The following TSPAN15 variants were observed in gnomAD, a reference collection of about 807,000 sequenced individuals.
The protein encoded by TSPAN15 is tetraspanin 15, also known as tetraspanin-15.
Under a neutral mutation model 34.5 loss-of-function variants are expected in TSPAN15, and 20 were observed. The observed-to-expected ratio is 0.58, with a 90% CI of 0.41 to 0.84. The LOEUF is 0.84. Among genes scored for constraint, TSPAN15 ranks in the 40% least tolerant of loss-of-function variants. The probability of loss-of-function intolerance (pLI) is 0.00; values close to 1 mark genes in which losing one functional copy is unlikely to be tolerated. For missense variants in TSPAN15, 313 were observed against 386.1 expected, an observed-to-expected ratio of 0.81 and a Z score of 1.59; for synonymous variants, 155 against 153.9, an observed-to-expected ratio of 1.01 and a Z score of -0.05.
chr10:69,498,859 C>G (rs1346860860), intron 5 of TSPAN15, among the ~76,000 whole-genome samples: 1 of 152,136 alleles, frequency 6.6e-6, no homozygotes, highest in Non-Finnish European at 1.5e-5. Context: ...CAGGTGAGGG[C>G]AGGAGGGAGA....
chr10:69,548,246 A>G, the TSPAN15 span, among the ~76,000 whole-genome samples: 1 of 152,218 alleles, frequency 6.6e-6, no homozygotes, highest in Admixed American at 6.5e-5. Context: ...TTTCCATTGC[A>G]TTATGGTGTT....
At chr10:69,522,826 C>T in the TSPAN15 span, among the ~76,000 whole-genome samples, 5 of 147,760 alleles carry the variant, frequency 3.4e-5, 2 homozygotes, top group African/African-American at 7.4e-5. Flanking sequence ...GGTTGGGGAC[C>T]GCTGAGATAT....
chr10:69,485,095 C>A, intron 2 of TSPAN15, 46 bp from the exon 3 acceptor site: 1 of 1,573,416 alleles, frequency 6.4e-7, no homozygotes, highest in South Asian at 1.1e-5. Context: ...ACCCCACACA[C>A]GCCCACTGCT....
chr10:69,473,725 C>T (rs565700175), intron 1 of TSPAN15, among the ~76,000 whole-genome samples: 4 of 152,218 alleles, frequency 2.6e-5, no homozygotes, highest in African/African-American at 9.6e-5. Flanking sequence ...TGTGGCCAGC[C>T]GCCCAGTGCT....
chr10:69,478,485 A>G (rs1841663729), intron 1 of TSPAN15, among the ~76,000 whole-genome samples: 1 of 152,098 alleles, frequency 6.6e-6, no homozygotes, highest in South Asian at 2.1e-4. Context: ...GGGCTCTGGC[A>G]GGGGGCTCAT....
At chr10:69,513,509 T>A in the TSPAN15 span, among the ~76,000 whole-genome samples, 4 of 152,160 alleles carry the variant, frequency 2.6e-5, no homozygotes, top group Non-Finnish European at 5.9e-5. Flanking sequence ...GCCCAGTCTG[T>A]GGTGTGTCTT....
chr10:69,521,367 AG>A, the TSPAN15 span, among the ~76,000 whole-genome samples: 13 of 147,112 alleles, frequency 8.8e-5, 2 homozygotes, highest in Admixed American at 7.0e-5. Flanking sequence ...AAAATTAGCC[AG>A]GTGTGGTGGT....
intron 3 of TSPAN15, among the ~76,000 whole-genome samples, chr10:69,489,491 C>T (rs1841924360): frequency 6.6e-6 from 1 of 152,238 alleles, no homozygotes; most frequent in Non-Finnish European, 1.5e-5. Flanking sequence ...TATTTGGGAA[C>T]TGGTAAATGT....
In TSPAN15 at chr10:69,502,639, C is replaced by G. The variant is rs140342433; in HGVS notation, c.571-1799C>G. On this transcript the variant is annotated intron_variant, in intron 5 of 7. Transcript: ENST00000373290. Reference sequence around the variant, plus strand: ...TCGATTCTATGGTCAGGCAGGTAAACCCAGGCAGGCTTTACTTTTGGAAAG... The same window carrying G: ...TCGATTCTATGGTCAGGCAGGTAAAGCCAGGCAGGCTTTACTTTTGGAAAG... 2.3e-3 allele frequency among the ~76,000 whole-genome samples: 347 copies of G among 152,246 alleles called. 1 individual carries two copies. The highest frequency in any genetic ancestry group is 7.9e-3 in the African/African-American group (328 of 41,542).
chr10:69,514,774 C>T, the TSPAN15 span, among the ~76,000 whole-genome samples: 1 of 152,232 alleles, frequency 6.6e-6, no homozygotes, highest in South Asian at 2.1e-4. Flanking sequence ...TCTCAAAGAG[C>T]CAGCTGGACC....
the TSPAN15 span, among the ~76,000 whole-genome samples, chr10:69,532,244 A>G: frequency 1.2e-4 from 18 of 152,346 alleles, no homozygotes; most frequent in East Asian, 3.5e-3. Context: ...CAAAAAGAAC[A>G]TATCTGGAGG....
In TSPAN15 at chr10:69,499,898, G is replaced by A. The variant is rs544405470; in HGVS notation, c.570+1502G>A. On this transcript the variant is annotated intron_variant, in intron 5 of 7. Transcript: ENST00000373290. ...TTGAGAAATGCACAGAGTGGCTGGA[G>A]CAGAGGGAGCACAGCGGAGGATGGT... is the stretch of plus-strand genomic sequence containing the variant. 8.5e-5 allele frequency among the ~76,000 whole-genome samples: 13 copies of A among 152,302 alleles called. No homozygotes were observed. The East Asian group carries it at 1.9e-3, about 23-fold the overall frequency.
At chr10:69,463,814 A>C (rs1356962091) in intron 1 of TSPAN15, among the ~76,000 whole-genome samples, 1 of 151,978 alleles carries the variant, frequency 6.6e-6, no homozygotes, top group Non-Finnish European at 1.5e-5. Context: ...GTCTCAAAAA[A>C]AAAAAAAAAA....
In TSPAN15 at chr10:69,455,592, CTTTCTTTCTTTCTT is replaced by C. The variant is rs542921792; in HGVS notation, c.96+3904_96+3917del. 6.0e-3 allele frequency among the ~76,000 whole-genome samples: 721 copies of C among 120,822 alleles called. 10 individuals carry two copies. The highest frequency in any genetic ancestry group is 9.0e-3 in the Non-Finnish European group (507 of 56,428). 79.3% of individuals were successfully genotyped at this position (120,822 alleles called of 152,430 possible). A position where few individuals can be genotyped will look rare whatever the true frequency, so the allele number is the denominator to read the frequency against. On this transcript the variant is annotated intron_variant, in intron 1 of 7. Transcript: ENST00000373290. ...CTTTCTCTTTTCTTTCTTTCTTTCT[CTTTCTTTCTTTCTT>C]TCTCTCTCTCTCTCTCTCTCCCCCC...
intron 4 of TSPAN15, among the ~76,000 whole-genome samples, chr10:69,496,320 CAATAAT>C (rs3028371): frequency 0.13 from 16,611 of 132,318 alleles, 1,044 homozygotes; most frequent in Non-Finnish European, 0.14. Context: ...TCTGTTGGTG[CAATAAT>C]AATAATAATA....
chr10:69,512,450 C>T (rs1842424395), downstream of TSPAN15, among the ~76,000 whole-genome samples: 1 of 152,182 alleles, frequency 6.6e-6, no homozygotes, highest in African/African-American at 2.4e-5. Context: ...TGGAGGTATA[C>T]TGGATATAAA....
At chr10:69,534,720 T>G in the TSPAN15 span, among the ~76,000 whole-genome samples, 3 of 151,724 alleles carry the variant, frequency 2.0e-5, no homozygotes, top group South Asian at 4.2e-4. Context: ...TAGTGGCTCA[T>G]GTCTGTAATC....
intron 1 of TSPAN15, among the ~76,000 whole-genome samples, chr10:69,471,005 C>T (rs986510657): frequency 6.6e-6 from 1 of 152,210 alleles, no homozygotes; most frequent in Non-Finnish European, 1.5e-5. Context: ...TCTTTGCTCA[C>T]ATGTCACCCT....
chr10:69,518,718 G>A, the TSPAN15 span, among the ~76,000 whole-genome samples: 7 of 152,132 alleles, frequency 4.6e-5, no homozygotes, highest in Admixed American at 1.3e-4. Context: ...CACCGCACCC[G>A]GCCATAAACT....
Sources: allele counts gnomAD v4.1 joint callset (sites outside exome capture counted in the v4.1 genomes callset), GRCh38; gene constraint gnomAD v4.1.1; transcripts MANE v1.5; gene names NCBI Gene and HGNC (gene_info 2026-07-23, HGNC 2026-07-21).